Variants in MDGA2 observed in about 807,000 individuals in gnomAD.
MDGA2 encodes MAM domain containing glycosylphosphatidylinositol anchor 2.
MDGA2 carries 40 observed loss-of-function variants against 117.8 expected under a neutral mutation model. The observed-to-expected ratio is 0.34, with a 90% CI of 0.26 to 0.44. MDGA2 has a LOEUF of 0.44. Ranked by LOEUF, MDGA2 falls within the 20% of genes least tolerant of loss-of-function variation. The pLI is 1.00. For missense variants in MDGA2, 1,123 were observed against 1,250.6 expected (o/e 0.90, Z 1.54); for synonymous variants, 452 against 439.0 (o/e 1.03, Z -0.37).
intron 1 of MDGA2, among the ~76,000 whole-genome samples, chr14:47,420,160 TA>T (rs1231078551): frequency 2.0e-5 from 3 of 152,122 alleles, no homozygotes; most frequent in Non-Finnish European, 4.4e-5. Context: ...TTTAGCTAAT[TA>T]AAAAAATTAC....
At chr14:47,644,543 C>T (rs780245653) in intron 1 of MDGA2, among the ~76,000 whole-genome samples, 1 of 151,802 alleles carries the variant, frequency 6.6e-6, no homozygotes, top group Non-Finnish European at 1.5e-5. Context: ...AGTTACCAGA[C>T]GCTGGAGAGG....
At chr14:47,521,605 A>G (rs1221977595) in intron 1 of MDGA2, among the ~76,000 whole-genome samples, 1 of 152,174 alleles carries the variant, frequency 6.6e-6, no homozygotes, top group African/African-American at 2.4e-5. Flanking sequence ...CCAAAATGCT[A>G]TGACCACTCT....
At chr14:46,852,595 T>C (rs1309885923) in intron 15 of MDGA2, among the ~76,000 whole-genome samples, 3 of 151,764 alleles carry the variant, frequency 2.0e-5, no homozygotes, top group African/African-American at 7.3e-5. Flanking sequence ...ATCTACCCAA[T>C]ACTTGGGAAA....
intron 8 of MDGA2, among the ~76,000 whole-genome samples, chr14:47,031,052 G>C (rs1047337552): frequency 6.6e-6 from 1 of 151,926 alleles, no homozygotes; most frequent in Admixed American, 6.6e-5. Flanking sequence ...TTAACAAGAG[G>C]CATTAATTAG....
At chr14:47,523,133 C>G (rs575683690) in intron 1 of MDGA2, among the ~76,000 whole-genome samples, 33 of 152,066 alleles carry the variant, frequency 2.2e-4, no homozygotes, top group Non-Finnish European at 4.3e-4. Context: ...AGCCTGTGCT[C>G]CCTACCTAGG....
At chr14:47,450,170 T>C (rs1054591193) in intron 1 of MDGA2, among the ~76,000 whole-genome samples, 1 of 152,074 alleles carries the variant, frequency 6.6e-6, no homozygotes, top group African/African-American at 2.4e-5. Flanking sequence ...TTTTATATGG[T>C]AAATGGATTT....
chr14:47,025,518 T>C (rs1404817997), intron 8 of MDGA2, among the ~76,000 whole-genome samples: 1 of 152,104 alleles, frequency 6.6e-6, no homozygotes, highest in Non-Finnish European at 1.5e-5. Flanking sequence ...TCCTTGTCTA[T>C]GAGTCATCAT....
intron 1 of MDGA2, among the ~76,000 whole-genome samples, chr14:47,654,590 T>G (rs1319335489): frequency 6.6e-6 from 1 of 152,212 alleles, no homozygotes; most frequent in African/African-American, 2.4e-5. Context: ...ATTCTGAAGA[T>G]GCTGGGTCAC....
intron 1 of MDGA2, among the ~76,000 whole-genome samples, chr14:47,627,443 G>C (rs190620661): frequency 4.6e-5 from 7 of 152,206 alleles, no homozygotes; most frequent in African/African-American, 1.7e-4. Context: ...TCTGCATCTA[G>C]CTCAAGGTTT....
intron 1 of MDGA2, among the ~76,000 whole-genome samples, chr14:47,659,277 CT>C (rs781004019): frequency 4.3e-4 from 66 of 152,266 alleles, no homozygotes; most frequent in Non-Finnish European, 1.8e-4. Context: ...TCATTATTTG[CT>C]TTATAAATAA....
In MDGA2 at chr14:47,061,370, T is replaced by G; in HGVS notation, c.1404A>C (p.Thr468=). 6.2e-7 allele frequency: 1 copy of G among 1,613,704 alleles called. No individual in the cohort carries two copies. Among genetic ancestry groups the G allele is most frequent in the Non-Finnish European group, 8.5e-7 (1 of 1,179,688 alleles). ...TTAAATCAATGATGTCCAAGTTTGT[T>G]GTTCCCGGAGAGACATCAGGATCAG... is the stretch of plus-strand genomic sequence containing the variant. The part of the protein sequence containing the change: ...TQTDPDVSPG[T]TNLDIIDLKF... The change falls in exon 7 of 17, where the codon ACA becomes ACC. Residue 468 remains threonine, a synonymous_variant. Transcript: ENST00000399232.
At chr14:46,992,215 C>G (rs887434911) in intron 8 of MDGA2, among the ~76,000 whole-genome samples, 1 of 151,982 alleles carries the variant, frequency 6.6e-6, no homozygotes, top group Non-Finnish European at 1.5e-5. Flanking sequence ...AAGAAAGAAA[C>G]GAGTGATAAT....
chr14:47,267,689 A>G (rs1888012176), intron 2 of MDGA2, among the ~76,000 whole-genome samples: 1 of 152,148 alleles, frequency 6.6e-6, no homozygotes, highest in Admixed American at 6.5e-5. Context: ...AGAAAACACA[A>G]TCTTCCTCAA....
intron 1 of MDGA2, among the ~76,000 whole-genome samples, chr14:47,461,269 A>ATGTGTGTG (rs55889646): frequency 0.013 from 1,867 of 142,804 alleles, 29 homozygotes; most frequent in African/African-American, 0.025. Flanking sequence ...AAAAAAATGT[A>ATGTGTGTG]TGTGTGTGTG....
chr14:47,268,561 T>A (rs1888041308), intron 2 of MDGA2, among the ~76,000 whole-genome samples: 1 of 152,152 alleles, frequency 6.6e-6, no homozygotes, highest in Non-Finnish European at 1.5e-5. Context: ...AACTCTATAA[T>A]AATGAGAAAG....
chr14:47,019,737 A>G (rs1022633465), intron 8 of MDGA2, among the ~76,000 whole-genome samples: 2 of 151,538 alleles, frequency 1.3e-5, no homozygotes, highest in Non-Finnish European at 2.9e-5. Context: ...CCAGCTACTC[A>G]GGACGCTGAG....
chr14:47,505,385 G>A (rs368128865), intron 1 of MDGA2, among the ~76,000 whole-genome samples: 49 of 152,212 alleles, frequency 3.2e-4, no homozygotes, highest in East Asian at 1.5e-3. Context: ...AAATAACTGC[G>A]TGAGGTCATG....
intron 1 of MDGA2, among the ~76,000 whole-genome samples, chr14:47,644,355 GAT>G (rs1269693390): frequency 6.6e-6 from 1 of 152,114 alleles, no homozygotes; most frequent in Admixed American, 6.5e-5. Context: ...AAGAAAATGT[GAT>G]ATATATACAA....
intron 8 of MDGA2, among the ~76,000 whole-genome samples, chr14:47,012,586 C>T (rs918932424): frequency 6.6e-6 from 1 of 152,046 alleles, no homozygotes; most frequent in African/African-American, 2.4e-5. Flanking sequence ...AAAGTTTAAA[C>T]CAAATAGTGC....
Sources: allele counts gnomAD v4.1 joint callset (sites outside exome capture counted in the v4.1 genomes callset), GRCh38; gene constraint gnomAD v4.1.1; transcripts MANE v1.5; gene names NCBI Gene and HGNC (gene_info 2026-07-23, HGNC 2026-07-21).